The following GRIN2B variants were observed in gnomAD, a reference collection of about 807,000 sequenced individuals.
The protein encoded by GRIN2B is glutamate ionotropic receptor NMDA type subunit 2B, also known as glutamate receptor ionotropic, NMDA 2B.
A neutral mutation model predicts 114.5 loss-of-function variants in GRIN2B; 5 were observed. The ratio of observed to expected loss-of-function variants is 0.04; its 90% CI spans 0.02 to 0.09. GRIN2B has a LOEUF of 0.09. Ranked by LOEUF, GRIN2B falls within the 10% of genes least tolerant of loss-of-function variation. GRIN2B has a pLI of 1.00. For missense variants in GRIN2B, 1,108 were observed against 1,943.5 expected (o/e 0.57, Z 8.08); for synonymous variants, 787 against 745.1 (o/e 1.06, Z -0.92).
intron 3 of GRIN2B, among the ~76,000 whole-genome samples, chr12:13,778,446 C>A (rs967269515): frequency 6.6e-6 from 1 of 152,164 alleles, no homozygotes; most frequent in African/African-American, 2.4e-5. Context: ...AACAGCCAAC[C>A]AGAACAGAAG....
rs953725092 is a variant in GRIN2B at position 13,542,483 on chromosome 12, A to G, written c.*20300T>C. On this transcript the variant is annotated 3_prime_UTR_variant, in exon 14 of 14. Coordinates refer to ENST00000609686, the MANE Select transcript of GRIN2B (RefSeq NM_000834.5). ...AGCAGTGGGGTTTTTAGTAGAAGTTAAAAAAGCAAATATCAGGACTGAGGA... is the reference window on the plus strand; with the variant it reads ...AGCAGTGGGGTTTTTAGTAGAAGTTGAAAAAGCAAATATCAGGACTGAGGA... 1 of 152,188 alleles carries G rather than the reference A, an allele frequency of 6.6e-6. No homozygotes were observed. The highest frequency in any genetic ancestry group is 1.5e-5 in the Non-Finnish European group (1 of 68,032). The allele number at this position is 152,188 out of a possible 1,614,324, so 9.4% of individuals were successfully genotyped here.
At chr12:13,836,761 G>A (rs1865274726) in intron 3 of GRIN2B, among the ~76,000 whole-genome samples, 1 of 152,162 alleles carries the variant, frequency 6.6e-6, no homozygotes, top group African/African-American at 2.4e-5. Flanking sequence ...AGCCCTGTGA[G>A]CTGAGCAGCT....
intron 5 of GRIN2B, among the ~76,000 whole-genome samples, chr12:13,622,685 C>T (rs1311815451): frequency 3.3e-5 from 5 of 151,966 alleles, no homozygotes; most frequent in African/African-American, 1.2e-4. Flanking sequence ...CTGGCAAGGG[C>T]CTTCTTGCTG....
rs566806563 is a variant in GRIN2B at position 13,617,308 on chromosome 12, C to A, written c.1126-651G>T. On this transcript the variant is annotated intron_variant, in intron 5 of 13. Transcript: ENST00000609686. Reference sequence around the variant, plus strand: ...GAACATGGGTCAATGCAGATGTGCACCTCCTGGGCTGGGTGGAAGCCCTGG... The same window carrying A: ...GAACATGGGTCAATGCAGATGTGCAACTCCTGGGCTGGGTGGAAGCCCTGG... Among the ~76,000 whole-genome samples the A allele has an allele frequency of 5.9e-5, 9 of 152,330 alleles. No homozygotes were observed. In the South Asian group the frequency reaches 1.7e-3, roughly 28 times the overall value.
rs138212867 is a variant in GRIN2B at position 13,564,862 on chromosome 12, A to AGG, written c.2599-225_2599-224dup. Among the ~76,000 whole-genome samples, 17 of 151,816 alleles carry AGG rather than the reference A, an allele frequency of 1.1e-4. No homozygotes were observed. The highest frequency in any genetic ancestry group is 3.9e-4 in the East Asian group (2 of 5,174). ...CTGAGGTCAGTGACCTGGCCATCAG[A>AGG]GGGGGGGGCATGGCCCCACCCAGTA... On this transcript the variant is annotated intron_variant, in intron 13 of 13. Transcript: ENST00000609686. The surrounding 1 kb of genome is among the most constrained non-coding windows in gnomAD (Gnocchi z 4.8).
intron 10 of GRIN2B, among the ~76,000 whole-genome samples, chr12:13,592,436 T>TA (rs1565466544): frequency 6.6e-6 from 1 of 152,164 alleles, no homozygotes; most frequent in Non-Finnish European, 1.5e-5. Context: ...CAGACAGGCT[T>TA]CTCTCTGCTG....
chr12:13,879,905 G>A (rs1005668123), intron 2 of GRIN2B, among the ~76,000 whole-genome samples: 2 of 152,210 alleles, frequency 1.3e-5, no homozygotes, highest in African/African-American at 2.4e-5. Flanking sequence ...ATTAAATGTT[G>A]AAAGCTGAAA....
chr12:13,768,221 C>A (rs1477434694), intron 3 of GRIN2B, among the ~76,000 whole-genome samples: 1 of 152,186 alleles, frequency 6.6e-6, no homozygotes, highest in Non-Finnish European at 1.5e-5. Flanking sequence ...CTTTTCTTTG[C>A]ACATTAAGTA....
chr12:13,887,647 T>C (rs561781900), intron 2 of GRIN2B, among the ~76,000 whole-genome samples: 1 of 152,358 alleles, frequency 6.6e-6, no homozygotes, highest in African/African-American at 2.4e-5. Context: ...TTTATTTCAG[T>C]CTTACTTATA....
At chr12:13,886,912 T>G (rs908548736) in intron 2 of GRIN2B, among the ~76,000 whole-genome samples, 2 of 152,202 alleles carry the variant, frequency 1.3e-5, no homozygotes, top group African/African-American at 4.8e-5. Context: ...TCACTTAATC[T>G]TCACACAACC....
At chr12:13,957,661 G>C (rs1192361369) in intron 2 of GRIN2B, among the ~76,000 whole-genome samples, 1 of 152,162 alleles carries the variant, frequency 6.6e-6, no homozygotes, top group African/African-American at 2.4e-5. Context: ...GACCCACCCA[G>C]GAGCTGGCGG....
intron 3 of GRIN2B, among the ~76,000 whole-genome samples, chr12:13,808,196 A>G (rs1480414106): frequency 6.6e-6 from 1 of 152,056 alleles, no homozygotes; most frequent in East Asian, 1.9e-4. Flanking sequence ...GCATTTTTAA[A>G]CACTGAAGGG....
chr12:13,705,770 C>T (rs1297288700), intron 4 of GRIN2B, among the ~76,000 whole-genome samples: 3 of 152,138 alleles, frequency 2.0e-5, no homozygotes, highest in Admixed American at 6.6e-5. Flanking sequence ...GTTCAGAGAA[C>T]TTTAATCAAG....
intron 2 of GRIN2B, among the ~76,000 whole-genome samples, chr12:13,975,417 G>A (rs1863003059): frequency 6.6e-6 from 1 of 152,222 alleles, no homozygotes; most frequent in Non-Finnish European, 1.5e-5. Flanking sequence ...CTAATCAATG[G>A]CATGGTGTAC....
At chr12:13,743,402 G>A (rs560797567) in intron 4 of GRIN2B, among the ~76,000 whole-genome samples, 7 of 152,196 alleles carry the variant, frequency 4.6e-5, no homozygotes, top group Admixed American at 1.3e-4. Flanking sequence ...CAATGACCCC[G>A]TGCAGCCTGT....
At chr12:13,719,419 TAAAAA>T (rs3831781) in intron 4 of GRIN2B, among the ~76,000 whole-genome samples, 1 of 150,886 alleles carries the variant, frequency 6.6e-6, no homozygotes, top group African/African-American at 2.4e-5. Context: ...TAGGATCACT[TAAAAA>T]AAAAGTCTAA....
intron 2 of GRIN2B, among the ~76,000 whole-genome samples, chr12:13,887,893 C>T (rs1866192695): frequency 6.6e-6 from 1 of 152,108 alleles, no homozygotes; most frequent in Non-Finnish European, 1.5e-5. Flanking sequence ...TGTGTCATGT[C>T]CTCAAATATA....
At chr12:13,826,643 T>C (rs530490449) in intron 3 of GRIN2B, among the ~76,000 whole-genome samples, 10 of 152,290 alleles carry the variant, frequency 6.6e-5, no homozygotes, top group African/African-American at 2.4e-4. Context: ...TTGTTTTCTT[T>C]TTTTTAGTTT....
At chr12:13,937,959 G>A (rs1341148203) in intron 2 of GRIN2B, among the ~76,000 whole-genome samples, 4 of 152,034 alleles carry the variant, frequency 2.6e-5, no homozygotes, top group African/African-American at 9.7e-5. Flanking sequence ...AGTATGCAAT[G>A]TCATACCTTA....
Sources: allele counts gnomAD v4.1 joint callset (sites outside exome capture counted in the v4.1 genomes callset), GRCh38; gene constraint gnomAD v4.1.1; non-coding constraint Gnocchi (gnomAD v3.1); transcripts MANE v1.5; gene names NCBI Gene and HGNC (gene_info 2026-07-23, HGNC 2026-07-21).